CEP20: variants seen among roughly 807,000 people sequenced by gnomAD.
CEP20 encodes FGFR1OP N-terminal like.
In CEP20, 18 loss-of-function variants were observed where a neutral mutation model predicts 20.0. The ratio of observed to expected loss-of-function variants is 0.90; its 90% CI spans 0.62 to 1.34. CEP20 has a LOEUF of 1.34. CEP20 is among the 40% of genes most tolerant of loss of function. CEP20 has a pLI of 0.00. For synonymous variants in CEP20, 77 were observed against 73.7 expected, an observed-to-expected ratio of 1.04 and a Z score of -0.23; for missense variants, 215 against 201.6, an observed-to-expected ratio of 1.07 and a Z score of -0.40.
At chr16:15,870,623 C>G (rs2044790613) in intron 4 of CEP20, among the ~76,000 whole-genome samples, 1 of 151,736 alleles carries the variant, frequency 6.6e-6, no homozygotes, top group South Asian at 2.1e-4. Context: ...GGGAGAGTAG[C>G]CTGGGCAACA....
rs978294916 is a variant in CEP20 at position 15,866,463 on chromosome 16, G to A, written c.*977C>T. 4 of 152,224 alleles carry A rather than the reference G, an allele frequency of 2.6e-5. No individual in the cohort carries two copies. The highest frequency in any genetic ancestry group is 9.6e-5 in the African/African-American group (4 of 41,454). 9.4% of individuals were successfully genotyped at this position (152,224 alleles called of 1,614,324 possible). A position where few individuals can be genotyped will look rare whatever the true frequency, so the allele number is the denominator to read the frequency against. On this transcript the variant is annotated 3_prime_UTR_variant, in exon 5 of 5. Transcript: ENST00000255759. ...CAGTTGTTTTCAATGAAATGAGCCT[G>A]TGGACACTACATTAAAAATACTTCT...
chr16:15,878,859 T>A (rs7186397), intron 3 of CEP20, among the ~76,000 whole-genome samples: 10,526 of 152,212 alleles, frequency 0.069, 487 homozygotes, highest in East Asian at 0.22. Flanking sequence ...CAAGTGATCC[T>A]TCCACTTCAG....
intron 4 of CEP20, 34 bp from the exon 5 acceptor site, chr16:15,867,550 C>T (rs1198662941): frequency 6.7e-7 from 1 of 1,481,778 alleles, no homozygotes; most frequent in East Asian, 2.3e-5. Context: ...TAATACTTAT[C>T]CCAAGTCAAA....
At chr16:15,881,792 T>TA (rs2045103793) in intron 2 of CEP20, among the ~76,000 whole-genome samples, 1 of 152,142 alleles carries the variant, frequency 6.6e-6, no homozygotes, top group African/African-American at 2.4e-5. Flanking sequence ...CAATAACTGT[T>TA]ACACTTGAAG....
Position 15,867,029 on chromosome 16 carries a change from G to A in CEP20, c.*411C>T, listed in dbSNP as rs906919717. The A allele has an allele frequency of 3.1e-5, 5 of 163,474 alleles. No homozygotes were observed. The highest frequency in any genetic ancestry group is 1.2e-4 in the African/African-American group (5 of 41,538). The allele number at this position is 163,474 out of a possible 1,614,324, so 10.1% of individuals were successfully genotyped here. ...TCAAGACCAGCCTGGCCAGCATGGT[G>A]AAACCCCATCTCTACTAAAAATACA... On this transcript the variant is annotated 3_prime_UTR_variant, in exon 5 of 5. Transcript: ENST00000255759.
chr16:15,882,780 T>TAC (rs1453213397), intron 2 of CEP20, among the ~76,000 whole-genome samples: 2 of 24,476 alleles, frequency 8.2e-5, no homozygotes, highest in Non-Finnish European at 7.7e-5. Flanking sequence ...TCTATCTATC[T>TAC]AGATACACAC....
intron 3 of CEP20, 149 bp downstream of exon 3, chr16:15,879,655 C>CTTA (rs1222539140): frequency 2.2e-5 from 13 of 579,788 alleles, no homozygotes; most frequent in South Asian, 4.2e-5. Flanking sequence ...TCTCATCTGA[C>CTTA]TTATTCACTG....
intron 1 of CEP20, among the ~76,000 whole-genome samples, chr16:15,887,521 C>T (rs2045273571): frequency 6.6e-6 from 1 of 152,188 alleles, no homozygotes; most frequent in African/African-American, 2.4e-5. Flanking sequence ...TGTCTCTTTC[C>T]AGTGAAATCA....
intron 1 of CEP20, chr16:15,885,858 A>C (rs919955847): frequency 6.6e-5 from 10 of 152,276 alleles, no homozygotes; most frequent in African/African-American, 2.4e-4. Flanking sequence ...CAGAGTCACC[A>C]TGACAAAGCA....
At chr16:15,881,441 GTCTT>G (rs1321755746) in intron 2 of CEP20, among the ~76,000 whole-genome samples, 2 of 152,124 alleles carry the variant, frequency 1.3e-5, no homozygotes, top group African/African-American at 4.8e-5. Flanking sequence ...AAAATCATGA[GTCTT>G]TATGTAGTTC....
chr16:15,884,836 G>C (rs951597104), intron 1 of CEP20, among the ~76,000 whole-genome samples: 1 of 152,076 alleles, frequency 6.6e-6, no homozygotes, highest in Non-Finnish European at 1.5e-5. Flanking sequence ...GGAAAAGGCG[G>C]GGGATAGGAT....
In CEP20 at chr16:15,873,547, G is replaced by A; in HGVS notation, c.392C>T (p.Ser131Leu). ...AAGACTTGGGTCTGAAGGCTGAAGT[G>A]AAGGCCCTTTCAGAAATGCATTCTG... ...GIQNAFLKGP[S>L]LQPSDPSLGR... The change falls in exon 4 of 5, where the codon TCA becomes TTA. Residue 131 changes from serine (S) to leucine (L), a missense_variant. By Grantham distance (145) the Ser-to-Leu change is moderately radical. Transcript: ENST00000255759. 2 of 1,614,096 alleles carry A rather than the reference G, an allele frequency of 1.2e-6. No individual in the cohort carries two copies. Among genetic ancestry groups the A allele is most frequent in the Non-Finnish European group, 1.7e-6 (2 of 1,180,000 alleles).
chr16:15,887,602 G>T (rs992062003), intron 1 of CEP20, among the ~76,000 whole-genome samples: 6 of 152,156 alleles, frequency 3.9e-5, no homozygotes, highest in African/African-American at 1.4e-4. Flanking sequence ...GTTACAATCA[G>T]GTAACACACA....
intron 4 of CEP20, among the ~76,000 whole-genome samples, chr16:15,872,141 T>C (rs1403209846): frequency 2.6e-5 from 4 of 152,022 alleles, no homozygotes; most frequent in Non-Finnish European, 5.9e-5. Context: ...AGGGAAACCC[T>C]GTCTCCACTA....
At chr16:15,868,803 G>A (rs868177227) in intron 4 of CEP20, among the ~76,000 whole-genome samples, 3 of 152,138 alleles carry the variant, frequency 2.0e-5, no homozygotes, top group South Asian at 2.1e-4. Flanking sequence ...ACAATTTTAG[G>A]TCTTCTAGAA....
chr16:15,868,218 A>T (rs2044732409), intron 4 of CEP20, among the ~76,000 whole-genome samples: 1 of 150,396 alleles, frequency 6.6e-6, no homozygotes, highest in South Asian at 2.1e-4. Flanking sequence ...AACCACTTCA[A>T]ATAGATCACC....
chr16:15,870,594 A>C (rs184621361), intron 4 of CEP20, among the ~76,000 whole-genome samples: 1 of 152,132 alleles, frequency 6.6e-6, no homozygotes, highest in Admixed American at 6.6e-5. Flanking sequence ...TTAAAACTAA[A>C]TAAGAGTGAT....
intron 2 of CEP20, among the ~76,000 whole-genome samples, chr16:15,881,952 G>A (rs2045107400): frequency 6.6e-6 from 1 of 152,104 alleles, no homozygotes; most frequent in South Asian, 2.1e-4. Context: ...ATTTGTCTCC[G>A]CCCAAATCTC....
At chr16:15,878,886 C>T (rs775408549) in intron 3 of CEP20, among the ~76,000 whole-genome samples, 6 of 152,010 alleles carry the variant, frequency 3.9e-5, no homozygotes, top group Non-Finnish European at 7.4e-5. Context: ...AAAGTGCTGG[C>T]ATTACAGGCA....
Sources: gnomAD v4.1 joint callset for allele counts (sites outside exome capture counted in the v4.1 genomes callset) on GRCh38, gnomAD v4.1.1 for gene constraint, MANE v1.5 for transcripts, NCBI Gene and HGNC (gene_info 2026-07-23, HGNC 2026-07-21) for gene names.